The following DOCK2 variants were observed in gnomAD, a reference collection of about 807,000 sequenced individuals.
DOCK2 encodes dedicator of cytokinesis protein 2.
A neutral mutation model predicts 248.9 loss-of-function variants in DOCK2; 87 were observed. The observed-to-expected ratio is 0.35, with a 90% CI of 0.29 to 0.42. The LOEUF is 0.42. Ranked by LOEUF, DOCK2 falls within the 10% of genes least tolerant of loss-of-function variation. The pLI is 1.00. For synonymous variants in DOCK2, 805 were observed against 821.6 expected, an observed-to-expected ratio of 0.98 and a Z score of 0.35; for missense variants, 1,747 against 2,300.2, an observed-to-expected ratio of 0.76 and a Z score of 4.92.
In DOCK2 at chr5:169,761,642, C is replaced by A. The variant is rs1764494423; in HGVS notation, c.2554+17C>A. On this transcript the variant is annotated intron_variant, in intron 25 of 51. Coordinates refer to ENST00000520908, the MANE Select transcript of DOCK2 (RefSeq NM_004946.3). The stretch of plus-strand genomic sequence containing the variant: ...AAAAGCAAGGTGAGTACACAGCACC[C>A]TTGCTGGGGTGGGGTAAGGGGCCAA... 1 of 1,609,336 alleles carries A rather than the reference C, an allele frequency of 6.2e-7. No homozygotes were observed. Among genetic ancestry groups the A allele is most frequent in the East Asian group, 2.2e-5 (1 of 44,798 alleles).
chr5:169,970,870 A>G (rs1777477478), intron 27 of DOCK2, among the ~76,000 whole-genome samples: 1 of 151,932 alleles, frequency 6.6e-6, no homozygotes, highest in Non-Finnish European at 1.5e-5. Context: ...GTGTCAGTTG[A>G]TTTTTCTTTA....
chr5:169,821,019 G>A (rs1296434866), intron 26 of DOCK2, among the ~76,000 whole-genome samples: 2 of 152,208 alleles, frequency 1.3e-5, no homozygotes, highest in Non-Finnish European at 2.9e-5. Context: ...ACGGGTATCT[G>A]TGATGGAAGA....
At chr5:169,938,800 C>T (rs912223332) in intron 27 of DOCK2, among the ~76,000 whole-genome samples, 3 of 152,166 alleles carry the variant, frequency 2.0e-5, no homozygotes, top group Non-Finnish European at 4.4e-5. Flanking sequence ...ACTTTTTACT[C>T]TTTTGTAATA....
chr5:169,741,917 C>T (rs1449567194), intron 22 of DOCK2, among the ~76,000 whole-genome samples: 1 of 151,508 alleles, frequency 6.6e-6, no homozygotes, highest in Non-Finnish European at 1.5e-5. Context: ...TCACGCCATC[C>T]TCCTGCCTCA....
chr5:170,025,260 A>C (rs1292209496), intron 33 of DOCK2, among the ~76,000 whole-genome samples: 1 of 152,248 alleles, frequency 6.6e-6, no homozygotes, highest in Non-Finnish European at 1.5e-5. Context: ...CCACAGACCA[A>C]ATCCATCCTT....
chr5:169,778,481 C>T (rs553207492), intron 25 of DOCK2, among the ~76,000 whole-genome samples: 14 of 152,300 alleles, frequency 9.2e-5, no homozygotes, highest in African/African-American at 3.1e-4. Context: ...TTACTCAGTC[C>T]TTTCAAAATT....
At chr5:170,072,813 A>G (rs1757724527) in intron 46 of DOCK2, among the ~76,000 whole-genome samples, 1 of 152,122 alleles carries the variant, frequency 6.6e-6, no homozygotes, top group Non-Finnish European at 1.5e-5. Flanking sequence ...TAATTGGATT[A>G]CCCTTTTGTG....
At chr5:170,058,314 G>A (rs138176231) in intron 44 of DOCK2, among the ~76,000 whole-genome samples, 1 of 152,228 alleles carries the variant, frequency 6.6e-6, no homozygotes, top group African/African-American at 2.4e-5. Flanking sequence ...AATACTTAAT[G>A]TGTACCTAAC....
At chr5:169,930,311 C>T (rs1775685837) in intron 27 of DOCK2, among the ~76,000 whole-genome samples, 1 of 152,184 alleles carries the variant, frequency 6.6e-6, no homozygotes. Flanking sequence ...TAAATAACCA[C>T]ATATGGGTGA....
intron 29 of DOCK2, among the ~76,000 whole-genome samples, chr5:169,986,823 C>A (rs1778081177): frequency 6.6e-6 from 1 of 152,132 alleles, no homozygotes; most frequent in Non-Finnish European, 1.5e-5. Context: ...ATACTGGTGT[C>A]TAGTTTTATC....
At chr5:170,072,781 C>T (rs1169486227) in intron 46 of DOCK2, among the ~76,000 whole-genome samples, 1 of 152,172 alleles carries the variant, frequency 6.6e-6, no homozygotes, top group African/African-American at 2.4e-5. Flanking sequence ...TGATGTTCAG[C>T]ACCTTTTCAT....
intron 27 of DOCK2, among the ~76,000 whole-genome samples, chr5:169,967,775 C>T (rs183290939): frequency 4.5e-4 from 69 of 152,168 alleles, no homozygotes; most frequent in Non-Finnish European, 9.0e-4. Flanking sequence ...TCAATCAGTG[C>T]AGTAAGAGTG....
chr5:170,056,016 C>T (rs1757115281), intron 42 of DOCK2, among the ~76,000 whole-genome samples: 1 of 152,182 alleles, frequency 6.6e-6, no homozygotes, highest in South Asian at 2.1e-4. Flanking sequence ...TAATGGAGCA[C>T]TTGAGTGTCT....
intron 15 of DOCK2, among the ~76,000 whole-genome samples, chr5:169,709,610 A>G (rs966329578): frequency 5.9e-5 from 9 of 152,128 alleles, no homozygotes; most frequent in African/African-American, 2.2e-4. Context: ...AGTTCCAGCT[A>G]CTCAGGAGGC....
chr5:169,785,513 T>TC (rs1168561332), intron 25 of DOCK2, among the ~76,000 whole-genome samples: 1 of 152,214 alleles, frequency 6.6e-6, no homozygotes, highest in Non-Finnish European at 1.5e-5. Context: ...AGTAGAACTC[T>TC]CCACATATTT....
intron 44 of DOCK2, among the ~76,000 whole-genome samples, chr5:170,062,145 G>T (rs1181096321): frequency 6.6e-6 from 1 of 151,874 alleles, no homozygotes; most frequent in African/African-American, 2.4e-5. Context: ...GAGAGAGAGA[G>T]AGACAGAGAG....
intron 34 of DOCK2, among the ~76,000 whole-genome samples, chr5:170,029,592 C>T (rs925732366): frequency 1.3e-5 from 2 of 152,144 alleles, no homozygotes; most frequent in Middle Eastern, 3.2e-3. Flanking sequence ...AAATATTCTT[C>T]CATCTCCAGG....
In DOCK2 at chr5:169,759,728, A is replaced by T; in HGVS notation, c.2400A>T (p.Pro800=). 2 of 1,614,014 alleles carry T rather than the reference A, an allele frequency of 1.2e-6. No homozygotes were observed. The highest frequency in any genetic ancestry group is 1.7e-6 in the Non-Finnish European group (2 of 1,179,898). Residue 800 remains proline (P), a synonymous_variant, in exon 24 of 52, where the codon CCA becomes CCT. Transcript: ENST00000520908. The part of the protein sequence containing the change: ...LLQVAALKYI[P]SVLHDVEMVF... ...AGGTGGCGGCTTTGAAATACATCCC[A>T]TCTGTCCTGCATGATGTAGAAATGG...
At chr5:170,060,080 G>C (rs1235681050) in intron 44 of DOCK2, among the ~76,000 whole-genome samples, 1 of 152,190 alleles carries the variant, frequency 6.6e-6, no homozygotes, top group African/African-American at 2.4e-5. Context: ...AAATTATCAT[G>C]ACTACAGTAA....
Sources: gnomAD v4.1 joint callset for allele counts (sites outside exome capture counted in the v4.1 genomes callset) on GRCh38, gnomAD v4.1.1 for gene constraint, MANE v1.5 for transcripts, NCBI Gene and HGNC (gene_info 2026-07-23, HGNC 2026-07-21) for gene names.